LGI2: variants seen among roughly 807,000 people sequenced by gnomAD.
LGI2 encodes leucine-rich repeat LGI family member 2.
LGI2 carries 30 observed loss-of-function variants against 52.0 expected under a neutral mutation model. The ratio of observed to expected loss-of-function variants is 0.58; its 90% CI spans 0.43 to 0.78. The LOEUF (loss-of-function observed/expected upper bound fraction) is 0.78. Ranked by LOEUF, LGI2 falls within the 30% of genes least tolerant of loss-of-function variation. The pLI is 0.00. For missense variants in LGI2, 573 were observed against 692.5 expected, an observed-to-expected ratio of 0.83 and a Z score of 1.94; for synonymous variants, 270 against 271.8, an observed-to-expected ratio of 0.99 and a Z score of 0.06.
rs1274709757 is a variant in LGI2 at position 25,019,487 on chromosome 4, C to T, written c.414-249G>A. Among the ~76,000 whole-genome samples, 5 of 152,192 alleles carry T rather than the reference C, an allele frequency of 3.3e-5. No individual in the cohort carries two copies. The East Asian group carries it at 9.7e-4, about 29-fold the overall frequency. ...TATTTGCTCAACCTCAGATGGCTTC[C>T]CATGTTTCCTGGAATCAAAGCCAAA... On this transcript the variant is annotated intron_variant, in intron 4 of 7. Coordinates refer to ENST00000382114, the MANE Select transcript of LGI2 (RefSeq NM_018176.4).
chr4:25,028,375 C>T (rs1236249917), intron 2 of LGI2, 132 bp downstream of exon 2: 1 of 739,124 alleles, frequency 1.4e-6, no homozygotes, highest in Non-Finnish European at 2.3e-6. Context: ...AAATTAACAC[C>T]AAGAGGCAGC....
rs569141952 is a variant in LGI2, at chr4:25,003,156, C to CG, written c.*294dup. 1.1e-4 allele frequency: 26 copies of CG among 232,988 alleles called. No homozygotes were observed. The highest frequency in any genetic ancestry group is 1.7e-4 in the Non-Finnish European group (21 of 122,666). The allele number at this position is 232,988 out of a possible 1,614,324, so 14.4% of individuals were successfully genotyped here. The stretch of plus-strand genomic sequence containing the variant: ...AATTGTCTTCTTCCTCATCAAAAAG[C>CG]GGGGGGGAAGCATATTACATTTCTA... On this transcript the variant is annotated 3_prime_UTR_variant, in exon 8 of 8. Transcript: ENST00000382114.
In LGI2 at chr4:24,999,867, A is replaced by G. The variant is rs1307143404; in HGVS notation, c.*3584T>C. On this transcript the variant is annotated 3_prime_UTR_variant, in exon 8 of 8. Transcript: ENST00000382114. ...GCAATTCATCACCACTCGTGCATTCAGGTTTTGAATTTTTCCTTCACAGAT... is the reference window on the plus strand; with the variant it reads ...GCAATTCATCACCACTCGTGCATTCGGGTTTTGAATTTTTCCTTCACAGAT... 2.2e-6 allele frequency: 1 copy of G among 456,054 alleles called. No homozygotes were observed. The highest frequency in any genetic ancestry group is 2.0e-5 in the African/African-American group (1 of 50,054). 28.3% of individuals were successfully genotyped at this position (456,054 alleles called of 1,614,324 possible).
intron 7 of LGI2, among the ~76,000 whole-genome samples, chr4:25,010,136 C>T (rs1315995102): frequency 2.0e-5 from 3 of 151,898 alleles, no homozygotes; most frequent in Non-Finnish European, 4.4e-5. Context: ...AAAAATTAGC[C>T]GGGTGCGGTA....
chr4:25,014,945 C>T (rs936942356), intron 6 of LGI2, among the ~76,000 whole-genome samples: 1 of 151,934 alleles, frequency 6.6e-6, no homozygotes, highest in African/African-American at 2.4e-5. Flanking sequence ...TATCTTCTCC[C>T]ACCCCCAATT....
intron 2 of LGI2, 135 bp from the exon 3 acceptor site, chr4:25,027,074 GT>G: frequency 3.0e-6 from 2 of 673,528 alleles, no homozygotes; most frequent in Non-Finnish European, 5.2e-6. Flanking sequence ...ACCACATTTT[GT>G]TGTCAAAAAC....
chr4:25,025,092 C>T (rs778855173), intron 3 of LGI2, among the ~76,000 whole-genome samples: 1 of 152,194 alleles, frequency 6.6e-6, no homozygotes, highest in Non-Finnish European at 1.5e-5. Flanking sequence ...GTGTGGTCTG[C>T]ACTCCTTCCA....
intron 5 of LGI2, among the ~76,000 whole-genome samples, chr4:25,018,441 C>A (rs531236012): frequency 2.0e-5 from 3 of 152,204 alleles, no homozygotes; most frequent in African/African-American, 7.2e-5. Context: ...CTCGTCTCCA[C>A]GCCATGCCAG....
intron 3 of LGI2, among the ~76,000 whole-genome samples, 169 bp from the exon 4 acceptor site, chr4:25,025,060 G>A (rs557328219): frequency 5.9e-5 from 9 of 152,160 alleles, no homozygotes; most frequent in Non-Finnish European, 1.2e-4. Flanking sequence ...CAGGATGTAT[G>A]CAAAAATGCG....
rs771005856 is a variant in LGI2 at position 25,028,466 on chromosome 4, T to G, written c.269+41A>C. On this transcript the variant is annotated intron_variant, in intron 2 of 7. Transcript: ENST00000382114. ...GAGACGGCCCTCCAAGGATGGCACC[T>G]CAGGGCCCCCCATTGTGCAGAGGGA... is the stretch of plus-strand genomic sequence containing the variant. 4.4e-6 allele frequency: 7 copies of G among 1,586,202 alleles called. No individual in the cohort carries two copies. In the Admixed American group the frequency reaches 1.0e-4, roughly 23 times the overall value.
Position 25,030,744 on chromosome 4 carries a change from C to A in LGI2, c.-51G>T. The A allele has an allele frequency of 9.5e-7, 1 of 1,051,218 alleles. No individual in the cohort carries two copies. The highest frequency in any genetic ancestry group is 1.2e-6 in the Non-Finnish European group (1 of 860,908). The allele number at this position is 1,051,218 out of a possible 1,614,324, so 65.1% of individuals were successfully genotyped here. ...CCCCGACCCCCACCGCCGCGCCGCG[C>A]GCTCGGACCCGGCGCCGCTGCAGAC... On this transcript the variant is annotated 5_prime_UTR_variant, in exon 1 of 8. Coordinates refer to ENST00000382114, the MANE Select transcript of LGI2 (RefSeq NM_018176.4).
chr4:25,003,472 T>G lies in LGI2; in HGVS notation c.1617A>C (p.Ile539=). Residue 539 remains isoleucine (I), a synonymous_variant, in exon 8 of 8, where the codon ATA becomes ATC. Transcript: ENST00000382114. Reference sequence around the variant, plus strand: ...ACCTTCACAAACTTAAGTCAACAATTATATGTTCAAAAATCTTTGTTTTCC... The same window carrying G: ...ACCTTCACAAACTTAAGTCAACAATGATATGTTCAAAAATCTTTGTTTTCC... ...FKGKTKIFEH[I]IVDLSL The G allele has an allele frequency of 6.3e-7, 1 of 1,594,416 alleles. No individual in the cohort carries two copies. The highest frequency in any genetic ancestry group is 8.5e-7 in the Non-Finnish European group (1 of 1,173,488).
At chr4:25,011,387 G>C (rs542232933) in intron 7 of LGI2, among the ~76,000 whole-genome samples, 2 of 152,108 alleles carry the variant, frequency 1.3e-5, no homozygotes, top group East Asian at 1.9e-4. Flanking sequence ...CCCGACGGTG[G>C]CCAGCTCATC....
downstream of LGI2, among the ~76,000 whole-genome samples, chr4:24,997,883 AT>A (rs10708368): frequency 0.16 from 23,605 of 151,324 alleles, 1,866 homozygotes; most frequent in East Asian, 0.24. Flanking sequence ...GATGCAGAAC[AT>A]TTTTTTTTAA....
At chr4:24,997,505 G>A (rs1473909784), downstream of LGI2, among the ~76,000 whole-genome samples, 3 of 152,152 alleles carry the variant, frequency 2.0e-5, no homozygotes, top group Non-Finnish European at 4.4e-5. Flanking sequence ...AAGAAACTAG[G>A]CCATTCTCTC....
At chr4:25,015,915 T>C (rs1190755067) in intron 6 of LGI2, among the ~76,000 whole-genome samples, 2 of 152,192 alleles carry the variant, frequency 1.3e-5, no homozygotes, top group Non-Finnish European at 2.9e-5. Context: ...TCTCTGTTTG[T>C]GAGTCTTAAA....
intron 6 of LGI2, among the ~76,000 whole-genome samples, chr4:25,015,128 A>G (rs946955167): frequency 6.6e-6 from 1 of 152,222 alleles, no homozygotes; most frequent in Non-Finnish European, 1.5e-5. Context: ...GACTCTTACA[A>G]TTTAGGCCTT....
chr4:25,017,925 G>T, intron 6 of LGI2, 64 bp downstream of exon 6: 1 of 1,398,406 alleles, frequency 7.2e-7, no homozygotes, highest in Non-Finnish European at 9.6e-7. Flanking sequence ...TCTGTTGACA[G>T]TGTAAAAGAA....
rs577445737 is a variant in LGI2, at chr4:25,022,743, C to T, written c.413+2077G>A. Among the ~76,000 whole-genome samples, 48 of 152,274 alleles carry T rather than the reference C, an allele frequency of 3.2e-4. 1 individual carries two copies. The highest frequency in any genetic ancestry group is 3.1e-3 in the East Asian group (16 of 5,174). ...CTGCACAAAGATATGCAAATACCCG[C>T]GCATGATACCTGCTTGTTCACACCC... On this transcript the variant is annotated intron_variant, in intron 4 of 7. Transcript: ENST00000382114.
Sources: allele counts gnomAD v4.1 joint callset (sites outside exome capture counted in the v4.1 genomes callset), GRCh38; gene constraint gnomAD v4.1.1; transcripts MANE v1.5; gene names NCBI Gene and HGNC (gene_info 2026-07-23, HGNC 2026-07-21).